CAST: variants seen among roughly 807,000 people sequenced by gnomAD.
CAST encodes the protein MIR583 host.
CAST carries 76 observed loss-of-function variants against 119.6 expected under a neutral mutation model. That is an observed-to-expected ratio of 0.64 (90% confidence interval 0.53 to 0.77). CAST has a LOEUF of 0.77. Among genes scored for constraint, CAST ranks in the 30% least tolerant of loss-of-function variants. The probability of loss-of-function intolerance (pLI) is 0.00; values close to 1 mark genes in which losing one functional copy is unlikely to be tolerated. For missense variants in CAST, 953 were observed against 946.5 expected (o/e 1.01, Z -0.09); for synonymous variants, 319 against 331.6 (o/e 0.96, Z 0.41).
the CAST span, among the ~76,000 whole-genome samples, chr5:96,239,347 T>C: frequency 6.6e-6 from 1 of 152,174 alleles, no homozygotes; most frequent in Non-Finnish European, 1.5e-5. Context: ...CCTGTGATTA[T>C]TCTTTACTAA....
chr5:95,982,311 TTG>T, the CAST span, among the ~76,000 whole-genome samples: 4,161 of 148,284 alleles, frequency 0.028, 188 homozygotes, highest in African/African-American at 0.094. Flanking sequence ...TTGTATTCAA[TTG>T]TGTGTGTGTG....
the CAST span, among the ~76,000 whole-genome samples, chr5:96,369,620 C>G: frequency 1.3e-5 from 2 of 152,058 alleles, no homozygotes; most frequent in Non-Finnish European, 2.9e-5. Flanking sequence ...TATGAGAAGA[C>G]CTTTTAATCT....
At position 96,701,805 on chromosome 5, in the gene CAST, C is replaced by CAAAAA. The variant is rs1259689905; in HGVS notation, c.210+5909_210+5913dup. On this transcript the variant is annotated intron_variant, in intron 3 of 31. Transcript: ENST00000675179. ...GGGCCACATAGCGAGAATCCCACCT[C>CAAAAA]AAAAAAAAAAAAAAATTATAAGGAC... 1.4e-3 allele frequency among the ~76,000 whole-genome samples: 168 copies of CAAAAA among 123,662 alleles called. 1 individual carries two copies. Among genetic ancestry groups the CAAAAA allele is most frequent in the African/African-American group, 5.0e-3 (161 of 32,264 alleles). 81.1% of individuals were successfully genotyped at this position (123,662 alleles called of 152,430 possible). A position where few individuals can be genotyped will look rare whatever the true frequency, so the allele number is the denominator to read the frequency against.
At chr5:96,627,714 G>C (rs1476195039) in intron 1 of CAST, among the ~76,000 whole-genome samples, 1 of 152,240 alleles carries the variant, frequency 6.6e-6, no homozygotes, top group Admixed American at 6.5e-5. Flanking sequence ...TCCTGGACTT[G>C]TGTGATTTAT....
At chr5:96,247,403 G>A in the CAST span, among the ~76,000 whole-genome samples, 1 of 152,250 alleles carries the variant, frequency 6.6e-6, no homozygotes, top group Non-Finnish European at 1.5e-5. Context: ...GTGCATGGCT[G>A]TGTTTCACAG....
chr5:96,563,480 A>G (rs1194434868), intron 1 of CAST, among the ~76,000 whole-genome samples: 1 of 152,128 alleles, frequency 6.6e-6, no homozygotes, highest in Non-Finnish European at 1.5e-5. Context: ...TATCTATATA[A>G]GATATACGCT....
chr5:96,027,229 T>C, the CAST span, among the ~76,000 whole-genome samples: 736 of 152,182 alleles, frequency 4.8e-3, 3 homozygotes, highest in Non-Finnish European at 7.9e-3. Context: ...CTTGATATAA[T>C]ATGCTTAAAG....
chr5:96,040,738 G>A, the CAST span, among the ~76,000 whole-genome samples: 10 of 152,150 alleles, frequency 6.6e-5, no homozygotes, highest in East Asian at 1.9e-4. Flanking sequence ...TGATCATGGC[G>A]AATAAGATTT....
At chr5:96,081,154 G>C in the CAST span, among the ~76,000 whole-genome samples, 4 of 152,204 alleles carry the variant, frequency 2.6e-5, no homozygotes, top group Non-Finnish European at 4.4e-5. Flanking sequence ...AGGTTGAGTT[G>C]ACACTGTGGA....
At chr5:96,463,489 G>A in the CAST span, among the ~76,000 whole-genome samples, 1 of 152,010 alleles carries the variant, frequency 6.6e-6, no homozygotes, top group Admixed American at 6.6e-5. Context: ...TTCCAACTAT[G>A]CTCTGCAACT....
At chr5:96,254,798 G>A in the CAST span, among the ~76,000 whole-genome samples, 3 of 152,108 alleles carry the variant, frequency 2.0e-5, no homozygotes, top group Admixed American at 6.6e-5. Context: ...TGGAATAGGT[G>A]AAGATTGAGG....
intron 1 of CAST, among the ~76,000 whole-genome samples, chr5:96,543,648 T>A (rs868862426): frequency 6.6e-5 from 10 of 152,204 alleles, no homozygotes; most frequent in Non-Finnish European, 1.2e-4. Context: ...TTTTGGTGTA[T>A]GTAAAAATTT....
the CAST span, among the ~76,000 whole-genome samples, chr5:96,368,516 C>T: frequency 7.0e-6 from 1 of 142,454 alleles, no homozygotes; most frequent in East Asian, 2.1e-4. Flanking sequence ...AAAAAAAAAA[C>T]AAAAAAACCT....
chr5:96,363,867 A>G, the CAST span, among the ~76,000 whole-genome samples: 2 of 152,158 alleles, frequency 1.3e-5, no homozygotes, highest in Non-Finnish European at 2.9e-5. Flanking sequence ...TTCCAACATT[A>G]TGTTGAATAG....
At chr5:96,104,169 G>C in the CAST span, among the ~76,000 whole-genome samples, 4 of 151,990 alleles carry the variant, frequency 2.6e-5, no homozygotes, top group African/African-American at 2.4e-5. Flanking sequence ...GAAAATTTTC[G>C]CCCATTTTGT....
chr5:96,475,353 A>C, the CAST span, among the ~76,000 whole-genome samples: 5 of 152,246 alleles, frequency 3.3e-5, no homozygotes, highest in African/African-American at 4.8e-5. Context: ...CACCTGAGAA[A>C]CTAAAGTCTC....
chr5:96,414,969 G>A, the CAST span, among the ~76,000 whole-genome samples: 1 of 152,198 alleles, frequency 6.6e-6, no homozygotes, highest in Non-Finnish European at 1.5e-5. Flanking sequence ...ATAACCAAAT[G>A]CAAGGTATAC....
chr5:96,767,445 C>G lies in CAST; in HGVS notation c.2138C>G (p.Pro713Arg), dbSNP rs376749892. ...GTCTGCCTTCTTTTTAAGGACAAAC[C>G]AGTGAAGCCACCTACAAAGAAATCA... ...HLLDDNGQDK[P>R]VKPPTKKSED... Residue 713 changes from proline to arginine, a missense_variant, in exon 28 of 32, where the codon CCA (proline) becomes CGA (arginine). Transcript: ENST00000675179. 262 of 1,612,114 alleles carry G rather than the reference C, an allele frequency of 1.6e-4. No individual in the cohort carries two copies. Among genetic ancestry groups the G allele is most frequent in the Non-Finnish European group, 2.1e-4 (243 of 1,178,460 alleles).
the CAST span, among the ~76,000 whole-genome samples, chr5:95,984,987 A>AATTTTACCTGTTTCTTTTTTTTTTT: frequency 6.6e-6 from 1 of 152,220 alleles, no homozygotes; most frequent in African/African-American, 2.4e-5. Flanking sequence ...TATTAAAGCC[A>AATTTTACCTGTTTCTTTTTTTTTTT]AAAGTGGTTT....
Sources: allele counts gnomAD v4.1 joint callset (sites outside exome capture counted in the v4.1 genomes callset), GRCh38; gene constraint gnomAD v4.1.1; transcripts MANE v1.5; gene names NCBI Gene and HGNC (gene_info 2026-07-23, HGNC 2026-07-21).